The following SPOCK3 variants were observed in gnomAD, a reference collection of about 807,000 sequenced individuals.
The protein encoded by SPOCK3 is SPARC (osteonectin), cwcv and kazal like domains proteoglycan 3.
Under a neutral mutation model 56.6 loss-of-function variants are expected in SPOCK3, and 30 were observed. The observed-to-expected ratio is 0.53, with a 90% confidence interval of 0.40 to 0.72. The LOEUF is 0.72. SPOCK3 is among the 30% of genes least tolerant of loss of function. The pLI is 0.00. For missense variants in SPOCK3, 527 were observed against 530.0 expected, an observed-to-expected ratio of 0.99 and a Z score of 0.06; for synonymous variants, 196 against 183.3, an observed-to-expected ratio of 1.07 and a Z score of -0.56.
At chr4:167,049,686 T>C (rs932248193) in intron 3 of SPOCK3, among the ~76,000 whole-genome samples, 2 of 152,200 alleles carry the variant, frequency 1.3e-5, no homozygotes, top group African/African-American at 4.8e-5. Context: ...AAATCATTTA[T>C]AAAGATCAGA....
At chr4:167,025,413 C>T (rs1468574822) in intron 3 of SPOCK3, among the ~76,000 whole-genome samples, 2 of 152,088 alleles carry the variant, frequency 1.3e-5, no homozygotes, top group South Asian at 2.1e-4. Context: ...TACACTATAC[C>T]TGTGGCCTTA....
At chr4:167,186,978 C>CAAA (rs67424272) in intron 2 of SPOCK3, among the ~76,000 whole-genome samples, 2 of 88,414 alleles carry the variant, frequency 2.3e-5, no homozygotes, top group African/African-American at 7.5e-5. Context: ...CTCTGTGCCT[C>CAAA]AAAAAAAAAA....
At chr4:167,071,037 A>C (rs1305569901) in intron 2 of SPOCK3, among the ~76,000 whole-genome samples, 2 of 151,952 alleles carry the variant, frequency 1.3e-5, no homozygotes, top group African/African-American at 2.4e-5. Context: ...AACATAAATA[A>C]AATAAATAGT....
In SPOCK3 at chr4:167,142,102, T is replaced by C. The variant is rs149939865; in HGVS notation, c.190-79565A>G. Among the ~76,000 whole-genome samples the C allele has an allele frequency of 1.4e-4, 21 of 152,144 alleles. No homozygotes were observed. The East Asian group carries it at 3.9e-3, about 28-fold the overall frequency. Reference sequence around the variant, plus strand: ...ACTTTATTGACACATCAATTAAGTATGTGAGAAGAGTAAAGCATTTTTAGA... The same window carrying C: ...ACTTTATTGACACATCAATTAAGTACGTGAGAAGAGTAAAGCATTTTTAGA... On this transcript the variant is annotated intron_variant, in intron 2 of 10. Coordinates refer to ENST00000357545, the MANE Select transcript of SPOCK3 (RefSeq NM_001040159.2).
intron 6 of SPOCK3, among the ~76,000 whole-genome samples, chr4:166,831,630 G>C (rs1007355527): frequency 4.7e-5 from 7 of 150,244 alleles, no homozygotes; most frequent in African/African-American, 1.7e-4. Context: ...TAACATCTAT[G>C]GTTATAATGG....
At chr4:167,084,196 A>C (rs1276823023) in intron 2 of SPOCK3, among the ~76,000 whole-genome samples, 3 of 152,120 alleles carry the variant, frequency 2.0e-5, no homozygotes, top group Admixed American at 2.0e-4. Context: ...GATATAGGCC[A>C]TATCATGAGA....
At chr4:167,005,053 ATATT>A (rs1749328407) in intron 3 of SPOCK3, among the ~76,000 whole-genome samples, 1 of 152,162 alleles carries the variant, frequency 6.6e-6, no homozygotes, top group East Asian at 1.9e-4. Flanking sequence ...GCTTGATGAC[ATATT>A]TAAAGTAAAA....
chr4:167,031,995 A>G (rs1427624), intron 3 of SPOCK3, among the ~76,000 whole-genome samples: 76,625 of 151,784 alleles, frequency 0.5, 21,851 homozygotes, highest in East Asian at 0.84. Flanking sequence ...GGGCTGGTTT[A>G]TTTTGCTTGC....
chr4:166,978,565 T>G (rs1746223239), intron 4 of SPOCK3, among the ~76,000 whole-genome samples: 1 of 152,216 alleles, frequency 6.6e-6, no homozygotes, highest in African/African-American at 2.4e-5. Context: ...TAACATTTAT[T>G]GTATACCCAC....
chr4:167,137,215 C>A (rs995055139), intron 2 of SPOCK3, among the ~76,000 whole-genome samples: 1 of 151,776 alleles, frequency 6.6e-6, no homozygotes, highest in Non-Finnish European at 1.5e-5. Context: ...TATCTTGAGG[C>A]GATACCCAAA....
chr4:167,136,244 C>T (rs1055348402), intron 2 of SPOCK3, among the ~76,000 whole-genome samples: 1 of 151,804 alleles, frequency 6.6e-6, no homozygotes. Flanking sequence ...GTTCTATGGC[C>T]ATCTAGGAAC....
chr4:166,807,056 T>C (rs1047178730), intron 6 of SPOCK3, among the ~76,000 whole-genome samples: 4 of 151,996 alleles, frequency 2.6e-5, no homozygotes, highest in Non-Finnish European at 5.9e-5. Flanking sequence ...TAACTACTCA[T>C]CTATTTTAGG....
At chr4:166,742,097 G>A (rs781538566) in intron 8 of SPOCK3, 38 bp from the exon 9 acceptor site, 2 of 1,451,726 alleles carry the variant, frequency 1.4e-6, no homozygotes, top group Non-Finnish European at 9.6e-7. Flanking sequence ...AAGGATTCTA[G>A]TTAAACAAAG....
intron 2 of SPOCK3, among the ~76,000 whole-genome samples, chr4:167,204,458 A>G (rs1021845487): frequency 2.6e-5 from 4 of 152,074 alleles, no homozygotes; most frequent in African/African-American, 9.7e-5. Context: ...CAGGAGAGAG[A>G]ATGAGTGCCA....
At chr4:167,032,363 T>A (rs367845858) in intron 3 of SPOCK3, among the ~76,000 whole-genome samples, 4 of 151,922 alleles carry the variant, frequency 2.6e-5, no homozygotes, top group Non-Finnish European at 2.9e-5. Context: ...CATAGCAAAC[T>A]GAGTATCACA....
intron 7 of SPOCK3, among the ~76,000 whole-genome samples, chr4:166,782,746 A>T (rs17598103): frequency 0.05 from 7,633 of 152,290 alleles, 248 homozygotes; most frequent in Non-Finnish European, 0.075. Flanking sequence ...ATAAGGGTAC[A>T]TAATTTATTG....
At chr4:167,208,815 C>T (rs1318087569) in intron 2 of SPOCK3, among the ~76,000 whole-genome samples, 10 of 152,030 alleles carry the variant, frequency 6.6e-5, no homozygotes, top group Admixed American at 2.0e-4. Context: ...AGCAAGGAAA[C>T]TTTCCTATAA....
chr4:167,134,022 CTTTTTT>C (rs34410893), intron 2 of SPOCK3, among the ~76,000 whole-genome samples: 1 of 80,560 alleles, frequency 1.2e-5, no homozygotes, highest in African/African-American at 4.9e-5. Context: ...ACACCTTTTT[CTTTTTT>C]TTTTTTTTTT....
rs1199360140 is a variant in SPOCK3, at chr4:166,748,377, A to C, written c.931+6131T>G. Among the ~76,000 whole-genome samples, 2 of 137,114 alleles carry C rather than the reference A, an allele frequency of 1.5e-5. 1 individual carries two copies. The highest frequency in any genetic ancestry group is 3.1e-5 in the Non-Finnish European group (2 of 64,656). 90.0% of individuals were successfully genotyped at this position (137,114 alleles called of 152,430 possible). A position where few individuals can be genotyped will look rare whatever the true frequency, so the allele number is the denominator to read the frequency against. ...CTTTGACAAACCTGACAAAAACAAG[A>C]AATGGGGAAAGGATTCCCTTTTTAA... On this transcript the variant is annotated intron_variant, in intron 8 of 10. Transcript: ENST00000357545.
Sources: allele counts gnomAD v4.1 joint callset (sites outside exome capture counted in the v4.1 genomes callset), GRCh38; gene constraint gnomAD v4.1.1; transcripts MANE v1.5; gene names NCBI Gene and HGNC (gene_info 2026-07-23, HGNC 2026-07-21).